The following SAPCD2 variants were observed in gnomAD, a reference collection of about 807,000 sequenced individuals.
The protein encoded by SAPCD2 is suppressor APC domain containing 2.
SAPCD2 carries 34 observed loss-of-function variants against 37.8 expected under a neutral mutation model. The ratio of observed to expected loss-of-function variants is 0.90; its 90% CI spans 0.68 to 1.20. The LOEUF is 1.20. Among genes scored for constraint, SAPCD2 ranks in the 50% most tolerant of loss-of-function variants. The pLI, the probability that SAPCD2 is intolerant of heterozygous loss-of-function variation, is 0.00. For synonymous variants in SAPCD2, 275 were observed against 270.3 expected, an observed-to-expected ratio of 1.02 and a Z score of -0.17; for missense variants, 572 against 584.7, an observed-to-expected ratio of 0.98 and a Z score of 0.22.
At position 137,064,723 on chromosome 9, in the gene SAPCD2, T is replaced by G; in HGVS notation, c.1121A>C (p.Gln374Pro). The change falls in exon 6 of 6, where the codon CAG becomes CCG. Residue 374 changes from glutamine to proline, a missense_variant. Transcript: ENST00000409687. ...LEQEKSALIK[Q>P]LFEARALSQQ... ...GCTCAGGGCGCGGGCCTCAAACAGC[T>G]GCTTAATGAGCGCCGACTTCTCCTG... The G allele has an allele frequency of 1.9e-6, 3 of 1,592,998 alleles. No individual in the cohort carries two copies. Among genetic ancestry groups the G allele is most frequent in the Non-Finnish European group, 2.6e-6 (3 of 1,170,792 alleles).
At position 137,064,607 on chromosome 9, in the gene SAPCD2, T is replaced by G. The variant is rs1832514480; in HGVS notation, c.*52A>C. The G allele has an allele frequency of 5.1e-6, 8 of 1,560,084 alleles. No individual in the cohort carries two copies. In the Admixed American group the frequency reaches 1.5e-4, roughly 30 times the overall value. ...GGTGGGTGCGATGGGGCGCCCACCC[T>G]CGAAGGGCTGAGTGCCAGGCTGGCC... On this transcript the variant is annotated 3_prime_UTR_variant, in exon 6 of 6. Transcript: ENST00000409687.
In SAPCD2 at chr9:137,063,690, G is replaced by A. The variant is rs1410500793; in HGVS notation, c.*969C>T. On this transcript the variant is annotated 3_prime_UTR_variant, in exon 6 of 6. Transcript: ENST00000409687. ...CCAGCGGGAGTGGGCCTGGGCAGGG[G>A]CTGAGGGAGTGACACCCAAGGGGAC... 6.6e-6 allele frequency: 1 copy of A among 152,298 alleles called. No individual in the cohort carries two copies. The highest frequency in any genetic ancestry group is 2.4e-5 in the African/African-American group (1 of 41,460). 9.4% of individuals were successfully genotyped at this position (152,298 alleles called of 1,614,324 possible).
Position 137,062,650 on chromosome 9 carries a change from G to C in SAPCD2, c.*2009C>G, listed in dbSNP as rs914380520. ...GGACGCTGCTCACATCCTGCACGGA[G>C]ACTGACCCGCCCAGCGTCCTAGGGC... is the stretch of plus-strand genomic sequence containing the variant. On this transcript the variant is annotated 3_prime_UTR_variant, in exon 6 of 6. Transcript: ENST00000409687. 2 of 152,248 alleles carry C rather than the reference G, an allele frequency of 1.3e-5. No homozygotes were observed. Among genetic ancestry groups the C allele is most frequent in the African/African-American group, 4.8e-5 (2 of 41,464 alleles). The allele number at this position is 152,248 out of a possible 1,614,324, so 9.4% of individuals were successfully genotyped here.
In SAPCD2 at chr9:137,065,155, G is replaced by T; in HGVS notation, c.862C>A (p.Leu288Met). The change falls in exon 4 of 6, where the codon CTG becomes ATG. Residue 288 changes from leucine to methionine, a missense_variant. Leu to Met is a conservative substitution (Grantham distance 15). Transcript: ENST00000409687. Reference protein sequence around the residue: ...DFGAAGSPRPLGRLLPKVQEV... With the variant: ...DFGAAGSPRPMGRLLPKVQEV... ...TGTACCTTGGGCAGTAGCCGCCCCA[G>T]TGGGCGGGGGCTCCCTGCAGCCCCA... 6.6e-7 allele frequency: 1 copy of T among 1,505,558 alleles called. No individual in the cohort carries two copies. The highest frequency in any genetic ancestry group is 1.3e-5 in the South Asian group (1 of 77,634). 93.3% of individuals were successfully genotyped at this position (1,505,558 alleles called of 1,614,324 possible).
In SAPCD2 at chr9:137,063,115, T is replaced by G. The variant is rs1832484150; in HGVS notation, c.*1544A>C. On this transcript the variant is annotated 3_prime_UTR_variant, in exon 6 of 6. Transcript: ENST00000409687. ...CCCACCCACTGCGCTGCAGTCCACC[T>G]GGTGCTGGGGCTGTGGGGCACAGGC... 6.6e-6 allele frequency: 1 copy of G among 152,264 alleles called. No individual in the cohort carries two copies. The highest frequency in any genetic ancestry group is 1.5e-5 in the Non-Finnish European group (1 of 68,082). 9.4% of individuals were successfully genotyped at this position (152,264 alleles called of 1,614,324 possible). A position where few individuals can be genotyped will look rare whatever the true frequency, so the allele number is the denominator to read the frequency against.
Position 137,065,149 on chromosome 9 carries a change from GC to G in SAPCD2, c.867del (p.Arg290GlyfsTer38). The G allele has an allele frequency of 4.0e-6, 6 of 1,512,586 alleles. No individual in the cohort carries two copies. The highest frequency in any genetic ancestry group is 3.5e-6 in the Non-Finnish European group (4 of 1,131,208). The allele number at this position is 1,512,586 out of a possible 1,614,324, so 93.7% of individuals were successfully genotyped here. ...FGAAGSPRPL[G>X]RLLPKVQEVA... ...ACCTCTTGTACCTTGGGCAGTAGCC[GC>G]CCCAGTGGGCGGGGGCTCCCTGCAG... On this transcript the variant is annotated frameshift_variant, in exon 4 of 6. Coordinates refer to ENST00000409687, the MANE Select transcript of SAPCD2 (RefSeq NM_178448.4). LOFTEE classifies it high-confidence loss of function.
intron 1 of SAPCD2, among the ~76,000 whole-genome samples, chr9:137,068,576 G>T (rs1315910854): frequency 6.6e-6 from 1 of 152,258 alleles, no homozygotes; most frequent in Non-Finnish European, 1.5e-5. Context: ...CAGAGCTCCA[G>T]ATTTGACACC....
chr9:137,070,144 G>A lies in SAPCD2; in HGVS notation c.317C>T (p.Thr106Met), dbSNP rs1186809447. Residue 106 changes from threonine to methionine, a missense_variant, in exon 1 of 6, where the codon ACG (threonine) becomes ATG (methionine). Coordinates refer to ENST00000409687, the MANE Select transcript of SAPCD2 (RefSeq NM_178448.4). ...LSADGGPRDPTRAPARPGDQP... is the reference protein window; with the variant it reads ...LSADGGPRDPMRAPARPGDQP... Reference sequence around the variant, plus strand: ...ATCCCCGGGCCGGGCCGGGGCGCGCGTGGGGTCCCGGGGGCCGCCGTCGGC... The same window carrying A: ...ATCCCCGGGCCGGGCCGGGGCGCGCATGGGGTCCCGGGGGCCGCCGTCGGC... 1 of 1,203,298 alleles carries A rather than the reference G, an allele frequency of 8.3e-7. No individual in the cohort carries two copies. The highest frequency in any genetic ancestry group is 1.0e-6 in the Non-Finnish European group (1 of 970,498). The allele number at this position is 1,203,298 out of a possible 1,614,324, so 74.5% of individuals were successfully genotyped here.
At position 137,064,979 on chromosome 9, in the gene SAPCD2, C is replaced by G. The variant is rs1316443999; in HGVS notation, c.940G>C (p.Ala314Pro). The G allele has an allele frequency of 6.6e-7, 1 of 1,515,342 alleles. No individual in the cohort carries two copies. Among genetic ancestry groups the G allele is most frequent in the Admixed American group, 2.0e-5 (1 of 50,670 alleles). The allele number at this position is 1,515,342 out of a possible 1,614,324, so 93.9% of individuals were successfully genotyped here. A position where few individuals can be genotyped will look rare whatever the true frequency, so the allele number is the denominator to read the frequency against. The change falls in exon 5 of 6, where the codon GCC (alanine) becomes CCC (proline). Residue 314 changes from alanine to proline, a missense_variant and splice_region_variant. Transcript: ENST00000409687. ...ELLAAACASR[A>P]LPPSSSGPPC... ...GGCCCGGAGGAGGACGGGGGCAGGG[C>G]CTGCGGGAGGGCAGGATTAGGCAGG...
At chr9:137,067,177 T>G (rs578067734) in intron 1 of SAPCD2, among the ~76,000 whole-genome samples, 4 of 151,862 alleles carry the variant, frequency 2.6e-5, no homozygotes, top group African/African-American at 9.7e-5. Context: ...TTAGTAGAGA[T>G]GAGGTTTCAC....
At position 137,064,191 on chromosome 9, in the gene SAPCD2, C is replaced by T; in HGVS notation, c.*468G>A. On this transcript the variant is annotated 3_prime_UTR_variant, in exon 6 of 6. Coordinates refer to ENST00000409687, the MANE Select transcript of SAPCD2 (RefSeq NM_178448.4). ...TTCCGTCCGTCCGAGCTACAGCCAC[C>T]TCGTCCTGGTGCCCTGGTTGAGCGG... The T allele has an allele frequency of 4.7e-6, 1 of 213,208 alleles. No homozygotes were observed. The highest frequency in any genetic ancestry group is 9.7e-6 in the Non-Finnish European group (1 of 103,278). 13.2% of individuals were successfully genotyped at this position (213,208 alleles called of 1,614,324 possible).
rs1247879554 is a variant in SAPCD2, at chr9:137,064,289, G to A, written c.*370C>T. ...CCCGTTGTTGGAAGTGCAGCCTGGC[G>A]TGGGCAGTGCCTTTCCCTGAAGATG... On this transcript the variant is annotated 3_prime_UTR_variant, in exon 6 of 6. Coordinates refer to ENST00000409687, the MANE Select transcript of SAPCD2 (RefSeq NM_178448.4). 1.6e-5 allele frequency: 5 copies of A among 304,540 alleles called. No homozygotes were observed. The highest frequency in any genetic ancestry group is 2.5e-5 in the Non-Finnish European group (4 of 158,996). The allele number at this position is 304,540 out of a possible 1,614,324, so 18.9% of individuals were successfully genotyped here.
intron 2 of SAPCD2, 116 bp from the exon 3 acceptor site, chr9:137,065,784 C>T (rs535844940): frequency 5.5e-5 from 72 of 1,304,126 alleles, no homozygotes; most frequent in East Asian, 1.4e-4. Flanking sequence ...TGCAGCAGCA[C>T]GTGTACACGT....
chr9:137,064,377 C>G lies in SAPCD2; in HGVS notation c.*282G>C. ...AACTCATGGAGGGGTACCCCACTGT[C>G]CACTGACAGCGGCAGTAGTAGCTGC... On this transcript the variant is annotated 3_prime_UTR_variant, in exon 6 of 6. Coordinates refer to ENST00000409687, the MANE Select transcript of SAPCD2 (RefSeq NM_178448.4). 1 of 521,380 alleles carries G rather than the reference C, an allele frequency of 1.9e-6. No homozygotes were observed. The highest frequency in any genetic ancestry group is 3.5e-6 in the Non-Finnish European group (1 of 287,712). 32.3% of individuals were successfully genotyped at this position (521,380 alleles called of 1,614,324 possible). A position where few individuals can be genotyped will look rare whatever the true frequency, so the allele number is the denominator to read the frequency against.
chr9:137,062,280 T>G lies in SAPCD2; in HGVS notation c.*2379A>C, dbSNP rs190810045. 6.6e-6 allele frequency: 1 copy of G among 152,222 alleles called. No individual in the cohort carries two copies. Among genetic ancestry groups the G allele is most frequent in the Non-Finnish European group, 1.5e-5 (1 of 68,006 alleles). The allele number at this position is 152,222 out of a possible 1,614,324, so 9.4% of individuals were successfully genotyped here. Reference sequence around the variant, plus strand: ...TGTTTCCTTGTGGTGTTTATGAATTTTTAAACCTGGATCTCTCATTTTCTT... The same window carrying G: ...TGTTTCCTTGTGGTGTTTATGAATTGTTAAACCTGGATCTCTCATTTTCTT... On this transcript the variant is annotated 3_prime_UTR_variant, in exon 6 of 6. Transcript: ENST00000409687.
rs1296280423 is a variant in SAPCD2, at chr9:137,067,630, A to C, written c.572-1256T>G. On this transcript the variant is annotated intron_variant, in intron 1 of 5. Coordinates refer to ENST00000409687, the MANE Select transcript of SAPCD2 (RefSeq NM_178448.4). ...CTCTACTAAAAATACAAAAATTAGC[A>C]GGGCGTGGTGGCATGCACCTGTAAT... Among the ~76,000 whole-genome samples, 5 of 149,756 alleles carry C rather than the reference A, an allele frequency of 3.3e-5. No homozygotes were observed. The East Asian group carries it at 6.0e-4, about 18-fold the overall frequency.
At position 137,069,906 on chromosome 9, in the gene SAPCD2, G is replaced by C. The variant is rs996077262; in HGVS notation, c.555C>G (p.Ser185Arg). ...GGAACTCACCTGCGTCCGCGCTGGA[G>C]CTCGGTTCCAGCGCCGCGCTCTGGG... ...ERSQSAALEPSSSADAGAVAC... is the reference protein window; with the variant it reads ...ERSQSAALEPRSSADAGAVAC... Residue 185 changes from serine (S) to arginine (R), a missense_variant, in exon 1 of 6, where the codon AGC (serine) becomes AGG (arginine). Ser to Arg is a moderately radical substitution (Grantham distance 110). Transcript: ENST00000409687. The C allele has an allele frequency of 1.2e-5, 15 of 1,278,156 alleles. No homozygotes were observed. The African/African-American group carries it at 2.0e-4, about 17-fold the overall frequency. 79.2% of individuals were successfully genotyped at this position (1,278,156 alleles called of 1,614,324 possible). A position where few individuals can be genotyped will look rare whatever the true frequency, so the allele number is the denominator to read the frequency against.
chr9:137,066,781 C>T (rs912574085), intron 1 of SAPCD2, among the ~76,000 whole-genome samples: 17 of 152,152 alleles, frequency 1.1e-4, no homozygotes, highest in South Asian at 4.1e-4. Context: ...CCCATCTGCA[C>T]GGGGTCCTGC....
At position 137,063,575 on chromosome 9, in the gene SAPCD2, C is replaced by G. The variant is rs1270570963; in HGVS notation, c.*1084G>C. 3 of 152,204 alleles carry G rather than the reference C, an allele frequency of 2.0e-5. No individual in the cohort carries two copies. The highest frequency in any genetic ancestry group is 2.9e-5 in the Non-Finnish European group (2 of 68,084). The allele number at this position is 152,204 out of a possible 1,614,324, so 9.4% of individuals were successfully genotyped here. A position where few individuals can be genotyped will look rare whatever the true frequency, so the allele number is the denominator to read the frequency against. On this transcript the variant is annotated 3_prime_UTR_variant, in exon 6 of 6. Coordinates refer to ENST00000409687, the MANE Select transcript of SAPCD2 (RefSeq NM_178448.4). ...GGGGGCCCTGGGCTGCAGAACCCAT[C>G]GATGCTGTTGCCGTGCCCCTGGTTC...
Sources: allele counts gnomAD v4.1 joint callset (sites outside exome capture counted in the v4.1 genomes callset), GRCh38; gene constraint gnomAD v4.1.1; transcripts MANE v1.5; gene names NCBI Gene and HGNC (gene_info 2026-07-23, HGNC 2026-07-21).